The following DENND4C variants were observed in gnomAD, a reference collection of about 807,000 sequenced individuals.
DENND4C encodes DENN domain-containing protein 4C.
In DENND4C, 108 loss-of-function variants were observed where a neutral mutation model predicts 203.0. That is an observed-to-expected ratio of 0.53 (90% confidence interval 0.46 to 0.62). The LOEUF is 0.62. Among genes scored for constraint, DENND4C ranks in the 20% least tolerant of loss-of-function variants. The probability of loss-of-function intolerance (pLI) is 0.00; values close to 1 mark genes in which losing one functional copy is unlikely to be tolerated. For synonymous variants in DENND4C, 871 were observed against 792.4 expected (o/e 1.10, Z -1.67); for missense variants, 2,481 against 2,301.2 (o/e 1.08, Z -1.60).
intron 2 of DENND4C, among the ~76,000 whole-genome samples, chr9:19,278,684 A>G (rs1564112941): frequency 6.6e-6 from 1 of 152,208 alleles, no homozygotes; most frequent in Non-Finnish European, 1.5e-5. Context: ...CTTGACCTTT[A>G]TGCAGCATTC....
At position 19,369,940 on chromosome 9, in the gene DENND4C, C is replaced by T. The variant is rs764588430; in HGVS notation, c.5628C>T (p.Pro1876=). The change falls in exon 31 of 33, where the codon CCC becomes CCT. Residue 1876 remains proline, a synonymous_variant. Transcript: ENST00000434457. ...QSIQHNNVLK[P]INLLSQQMKP... ...TTCAGCACAATAATGTTCTTAAACC[C>T]ATCAACCTACTTTCACAGCAAATGA... is the stretch of plus-strand genomic sequence containing the variant. 49 of 1,613,640 alleles carry T rather than the reference C, an allele frequency of 3.0e-5. No homozygotes were observed. The highest frequency in any genetic ancestry group is 1.6e-4 in the Middle Eastern group (1 of 6,084).
intron 1 of DENND4C, among the ~76,000 whole-genome samples, chr9:19,265,575 G>C (rs866106080): frequency 6.6e-6 from 1 of 151,894 alleles, no homozygotes; most frequent in Non-Finnish European, 1.5e-5. Flanking sequence ...TTTACATTAG[G>C]TATATCTCCT....
intron 23 of DENND4C, among the ~76,000 whole-genome samples, chr9:19,348,068 C>T (rs1018965114): frequency 6.6e-6 from 1 of 152,090 alleles, no homozygotes; most frequent in Admixed American, 6.5e-5. Flanking sequence ...TGTTTGCTCT[C>T]GTTATTTAAC....
chr9:19,305,973 G>A (rs969301847), intron 10 of DENND4C, among the ~76,000 whole-genome samples: 11 of 152,164 alleles, frequency 7.2e-5, no homozygotes, highest in African/African-American at 2.4e-4. Context: ...ATTTTATAAG[G>A]ATCTGTTGTT....
At position 19,342,783 on chromosome 9, in the gene DENND4C, A is replaced by T; in HGVS notation, c.3151+4A>T. On this transcript the variant is annotated splice_donor_region_variant and intron_variant, in intron 22 of 32. Coordinates refer to ENST00000434457, the MANE Select transcript of DENND4C (RefSeq NM_001330640.2). ...AACAGCAGGAAAAGTAGCACTGGTG[A>T]GTCTTTACATTTTGGTTATTAAATA... 6.3e-7 allele frequency: 1 copy of T among 1,582,546 alleles called. No individual in the cohort carries two copies. The highest frequency in any genetic ancestry group is 8.6e-7 in the Non-Finnish European group (1 of 1,168,148).
At chr9:19,293,848 C>A (rs941584016) in intron 5 of DENND4C, among the ~76,000 whole-genome samples, 2 of 152,146 alleles carry the variant, frequency 1.3e-5, no homozygotes, top group Middle Eastern at 3.2e-3. Context: ...AGGACTGTTT[C>A]TTCAGTGTAT....
intron 12 of DENND4C, among the ~76,000 whole-genome samples, chr9:19,319,042 G>T (rs141390046): frequency 6.6e-6 from 1 of 151,662 alleles, no homozygotes; most frequent in Non-Finnish European, 1.5e-5. Context: ...GGTGGTGCAT[G>T]CCTGTAATCC....
chr9:19,352,852 C>T (rs1846140617), intron 26 of DENND4C, among the ~76,000 whole-genome samples, 187 bp downstream of exon 26: 1 of 152,106 alleles, frequency 6.6e-6, no homozygotes, highest in South Asian at 2.1e-4. Context: ...GTAAGATTAT[C>T]AGCCGGGCTC....
chr9:19,362,269 ATC>A (rs957562893), intron 30 of DENND4C, among the ~76,000 whole-genome samples: 12 of 152,114 alleles, frequency 7.9e-5, no homozygotes, highest in Admixed American at 5.9e-4. Flanking sequence ...GCAAGATTGT[ATC>A]TCAAACAAAA....
At chr9:19,264,128 C>T (rs562947336) in intron 1 of DENND4C, among the ~76,000 whole-genome samples, 1 of 152,224 alleles carries the variant, frequency 6.6e-6, no homozygotes, top group African/African-American at 2.4e-5. Context: ...CCATTAGGTC[C>T]TGGGCTTTTC....
At chr9:19,281,282 G>C (rs1395954173) in intron 2 of DENND4C, among the ~76,000 whole-genome samples, 1 of 152,176 alleles carries the variant, frequency 6.6e-6, no homozygotes, top group Non-Finnish European at 1.5e-5. Context: ...AGATTTGCTA[G>C]AGTGTATGGT....
rs1822853918 is a variant in DENND4C at position 19,346,223 on chromosome 9, G to A, written c.3454G>A (p.Val1152Ile). 3.1e-6 allele frequency: 5 copies of A among 1,614,084 alleles called. No homozygotes were observed. Among genetic ancestry groups the A allele is most frequent in the Non-Finnish European group, 4.2e-6 (5 of 1,180,042 alleles). The change falls in exon 23 of 33, where the codon GTT becomes ATT. Residue 1152 changes from valine (V) to isoleucine (I), a missense_variant. Val to Ile is a conservative substitution (Grantham distance 29). Transcript: ENST00000434457. ...HIARTHSFEN[V>I]SCHLPDSRTC... ...TGCAAGAACCCATAGCTTTGAGAATGTTAGCTGTCACCTACCTGATAGTAG... is the reference window on the plus strand; with the variant it reads ...TGCAAGAACCCATAGCTTTGAGAATATTAGCTGTCACCTACCTGATAGTAG...
rs1388007555 is a variant in DENND4C at position 19,373,159 on chromosome 9, CA to C, written c.*991del. 6.6e-6 allele frequency: 1 copy of C among 152,212 alleles called. No homozygotes were observed. The highest frequency in any genetic ancestry group is 1.9e-4 in the East Asian group (1 of 5,186). 9.4% of individuals were successfully genotyped at this position (152,212 alleles called of 1,614,324 possible). A position where few individuals can be genotyped will look rare whatever the true frequency, so the allele number is the denominator to read the frequency against. On this transcript the variant is annotated 3_prime_UTR_variant, in exon 33 of 33. Coordinates refer to ENST00000434457, the MANE Select transcript of DENND4C (RefSeq NM_001330640.2). ...TTGTAGTTTTTGCCACTATTAATGG[CA>C]AAAACCGCAATTATTTTTGTACCAA... is the stretch of plus-strand genomic sequence containing the variant.
intron 26 of DENND4C, among the ~76,000 whole-genome samples, chr9:19,353,722 C>A (rs1824715432): frequency 6.6e-6 from 1 of 152,080 alleles, no homozygotes; most frequent in Non-Finnish European, 1.5e-5. Flanking sequence ...CACTTGAGGT[C>A]AGGAGTTCGA....
chr9:19,336,287 G>C lies in DENND4C; in HGVS notation c.2607G>C (p.Pro869=). 1 of 1,613,156 alleles carries C rather than the reference G, an allele frequency of 6.2e-7. No homozygotes were observed. Among genetic ancestry groups the C allele is most frequent in the South Asian group, 1.1e-5 (1 of 90,878 alleles). Residue 869 remains proline (P), a synonymous_variant, in exon 19 of 33, where the codon CCG becomes CCC. Transcript: ENST00000434457. ...GYYNKVVLES[P]WPSSTRSGIF... ...ACCTTTAGGTAGTCTTGGAGAGCCC[G>C]TGGCCTAGCAGTACCCGCAGTGGTA...
At chr9:19,268,693 C>T (rs557279365) in intron 1 of DENND4C, among the ~76,000 whole-genome samples, 8 of 152,068 alleles carry the variant, frequency 5.3e-5, no homozygotes, top group Non-Finnish European at 1.0e-4. Context: ...AGGATATTTT[C>T]AGTGGATATA....
chr9:19,285,319 T>C (rs928545762), intron 2 of DENND4C, among the ~76,000 whole-genome samples: 6 of 152,164 alleles, frequency 3.9e-5, no homozygotes, highest in African/African-American at 1.2e-4. Context: ...AATTCACATG[T>C]CATACAGTTC....
intron 6 of DENND4C, among the ~76,000 whole-genome samples, chr9:19,297,028 A>G (rs1837608692): frequency 6.6e-6 from 1 of 152,202 alleles, no homozygotes; most frequent in African/African-American, 2.4e-5. Context: ...TAAGAAAGAA[A>G]AATGTATGTT....
chr9:19,310,558 A>T (rs562739329), intron 10 of DENND4C, among the ~76,000 whole-genome samples: 18 of 152,342 alleles, frequency 1.2e-4, no homozygotes, highest in African/African-American at 4.3e-4. Flanking sequence ...TTCTTTCAGT[A>T]AAAATTTGCC....
Sources: allele counts gnomAD v4.1 joint callset (sites outside exome capture counted in the v4.1 genomes callset), GRCh38; gene constraint gnomAD v4.1.1; transcripts MANE v1.5; gene names NCBI Gene and HGNC (gene_info 2026-07-23, HGNC 2026-07-21).